Variants in TEX14 observed in about 807,000 individuals in gnomAD.
The protein encoded by TEX14 is inactive serine/threonine-protein kinase TEX14.
A neutral mutation model predicts 178.6 loss-of-function variants in TEX14; 168 were observed. The ratio of observed to expected loss-of-function variants is 0.94; its 90% confidence interval spans 0.83 to 1.07. The LOEUF is 1.07. Ranked by LOEUF, TEX14 falls within the 50% of genes least tolerant of loss-of-function variation. The pLI, the probability that TEX14 is intolerant of heterozygous loss-of-function variation, is 0.00. For missense variants in TEX14, 1,730 were observed against 1,753.6 expected, an observed-to-expected ratio of 0.99 and a Z score of 0.24; for synonymous variants, 626 against 634.1, an observed-to-expected ratio of 0.99 and a Z score of 0.19.
At position 58,594,270 on chromosome 17, in the gene TEX14, T is replaced by C. The variant is rs910745189; in HGVS notation, c.2470-609A>G. Among the ~76,000 whole-genome samples, 5 of 151,868 alleles carry C rather than the reference T, an allele frequency of 3.3e-5. No homozygotes were observed. In the East Asian group the frequency reaches 9.7e-4, roughly 29 times the overall value. ...GCATTTTCCCCCTCCTATATGAATA[T>C]GAAGACAGCAGATCTTTGTGGCAGG... On this transcript the variant is annotated intron_variant, in intron 14 of 31. Coordinates refer to ENST00000349033, the MANE Select transcript of TEX14 (RefSeq NM_031272.5).
intron 2 of TEX14, among the ~76,000 whole-genome samples, chr17:58,632,025 T>A (rs1027443558): frequency 2.0e-5 from 3 of 152,212 alleles, no homozygotes; most frequent in African/African-American, 7.2e-5. Flanking sequence ...CTTTAGGCAA[T>A]CACTGTAATT....
chr17:58,635,682 G>A lies in TEX14; in HGVS notation c.137-5128C>T, dbSNP rs140009365. Among the ~76,000 whole-genome samples, 991 of 151,306 alleles carry A rather than the reference G, an allele frequency of 6.5e-3. 6 individuals are homozygous for A. Among genetic ancestry groups the A allele is most frequent in the African/African-American group, 0.022 (928 of 41,250 alleles). Reference sequence around the variant, plus strand: ...TGACCTCAAGTGATCCACCTGCCTCGGCCTCCAAAAGTGCTGGGATTACAG... The same window carrying A: ...TGACCTCAAGTGATCCACCTGCCTCAGCCTCCAAAAGTGCTGGGATTACAG... On this transcript the variant is annotated intron_variant, in intron 2 of 31. Transcript: ENST00000349033.
chr17:58,620,697 G>A (rs1251951944), intron 5 of TEX14, among the ~76,000 whole-genome samples: 4 of 152,048 alleles, frequency 2.6e-5, no homozygotes, highest in East Asian at 3.9e-4. Context: ...GTTTCACCAT[G>A]TTGGCCAGGC....
chr17:58,602,412 C>G lies in TEX14; in HGVS notation c.1515G>C (p.Lys505Asn), dbSNP rs751996780. 12 of 1,612,448 alleles carry G rather than the reference C, an allele frequency of 7.4e-6. No individual in the cohort carries two copies. ...MNLQDIRYIL[K>N]NDLKDFTGAQ... Reference sequence around the variant, plus strand: ...CTTCAGGGCTTGCCTTTAAGTCATTCTTCAGAATATACCGGATATCTTGAA... The same window carrying G: ...CTTCAGGGCTTGCCTTTAAGTCATTGTTCAGAATATACCGGATATCTTGAA... Residue 505 changes from lysine to asparagine, a missense_variant, in exon 12 of 32, where the codon AAG becomes AAC. This residue lies in a region of TEX14 where 789 missense variants were observed against 681.2 expected (regional missense o/e 1.16). Coordinates refer to ENST00000349033, the MANE Select transcript of TEX14 (RefSeq NM_031272.5).
At chr17:58,616,760 C>G (rs748159089) in intron 6 of TEX14, among the ~76,000 whole-genome samples, 3 of 152,176 alleles carry the variant, frequency 2.0e-5, no homozygotes, top group Non-Finnish European at 4.4e-5. Flanking sequence ...TTCTAAAAAC[C>G]TTTCAAGGTT....
chr17:58,684,543 G>A (rs1324257175), intron 1 of TEX14, among the ~76,000 whole-genome samples: 1 of 151,782 alleles, frequency 6.6e-6, no homozygotes, highest in African/African-American at 2.4e-5. Context: ...GCTGAGGCAG[G>A]AGAATCACTT....
rs561445164 is a variant in TEX14, at chr17:58,670,948, G to A, written c.-1-18946C>T. Among the ~76,000 whole-genome samples the A allele has an allele frequency of 3.0e-4, 45 of 152,008 alleles. 1 individual carries two copies. The South Asian group carries it at 6.9e-3, about 23-fold the overall frequency. On this transcript the variant is annotated intron_variant, in intron 1 of 31. Coordinates refer to ENST00000349033, the MANE Select transcript of TEX14 (RefSeq NM_031272.5). ...ACAATGTATAATACTTCAAAACAAC[G>A]TGTACACAATAAATATATACAATTG... is the stretch of plus-strand genomic sequence containing the variant.
intron 1 of TEX14, among the ~76,000 whole-genome samples, chr17:58,674,753 C>A (rs1336191593): frequency 2.1e-5 from 3 of 145,394 alleles, no homozygotes; most frequent in Non-Finnish European, 4.5e-5. Flanking sequence ...TTACATATGA[C>A]ATCAAAAGCA....
intron 4 of TEX14, 52 bp downstream of exon 4, chr17:58,622,795 C>T: frequency 6.6e-7 from 1 of 1,520,336 alleles, no homozygotes; most frequent in South Asian, 1.2e-5. Context: ...GCCTGACTCT[C>T]AGCCCAGTAC....
chr17:58,650,592 C>T (rs749284176), intron 2 of TEX14, among the ~76,000 whole-genome samples: 20 of 152,076 alleles, frequency 1.3e-4, no homozygotes, highest in African/African-American at 3.4e-4. Context: ...TATAGGCATG[C>T]GCTACCATGC....
intron 19 of TEX14, among the ~76,000 whole-genome samples, 155 bp from the exon 20 acceptor site, chr17:58,579,886 A>C (rs1205133506): frequency 6.6e-6 from 1 of 152,192 alleles, no homozygotes; most frequent in Non-Finnish European, 1.5e-5. Flanking sequence ...CTAGACATTA[A>C]GTACTTATTT....
chr17:58,597,286 CTA>C (rs2045310442), intron 14 of TEX14, among the ~76,000 whole-genome samples: 1 of 152,066 alleles, frequency 6.6e-6, no homozygotes, highest in Non-Finnish European at 1.5e-5. Flanking sequence ...GTAGTCCCAG[CTA>C]CTCGGGAGGC....
chr17:58,676,260 C>T (rs1374583581), intron 1 of TEX14, among the ~76,000 whole-genome samples: 4 of 152,066 alleles, frequency 2.6e-5, no homozygotes, highest in African/African-American at 9.7e-5. Flanking sequence ...CCTGTAATCC[C>T]AGCTACTCAG....
chr17:58,611,365 G>GAA, intron 9 of TEX14, 26 bp from the exon 10 acceptor site: 43 of 1,335,164 alleles, frequency 3.2e-5, no homozygotes, highest in African/African-American at 6.1e-5. Context: ...GAAATGCCAC[G>GAA]AAAAAAAAAA....
chr17:58,633,289 C>T (rs1284018073), intron 2 of TEX14, among the ~76,000 whole-genome samples: 2 of 152,176 alleles, frequency 1.3e-5, no homozygotes, highest in Non-Finnish European at 2.9e-5. Context: ...TCTATGTGAT[C>T]ATTTGATTAA....
rs1368047208 is a variant in TEX14, at chr17:58,644,688, C to T, written c.136+7178G>A. On this transcript the variant is annotated intron_variant, in intron 2 of 31. Coordinates refer to ENST00000349033, the MANE Select transcript of TEX14 (RefSeq NM_031272.5). ...TTCTGACGGAGTTTCGCTCTTTTGC[C>T]CAGGCTAGAGTGGCAAGATCTCGGC... Among the ~76,000 whole-genome samples, 3 of 136,450 alleles carry T rather than the reference C, an allele frequency of 2.2e-5. No homozygotes were observed. In the Admixed American group the frequency reaches 2.4e-4, roughly 11 times the overall value. 89.5% of individuals were successfully genotyped at this position (136,450 alleles called of 152,430 possible). A position where few individuals can be genotyped will look rare whatever the true frequency, so the allele number is the denominator to read the frequency against.
intron 1 of TEX14, among the ~76,000 whole-genome samples, chr17:58,664,725 A>C (rs2047177678): frequency 6.6e-6 from 1 of 152,194 alleles, no homozygotes. Flanking sequence ...ATACATTTCC[A>C]TTAAAATATA....
chr17:58,625,938 C>T (rs1001951050), intron 3 of TEX14, among the ~76,000 whole-genome samples: 6 of 150,950 alleles, frequency 4.0e-5, no homozygotes, highest in Admixed American at 6.6e-5. Context: ...TTAGTAGAGA[C>T]GGGGTTTCAC....
intron 9 of TEX14, 107 bp downstream of exon 9, chr17:58,613,314 T>TA: frequency 7.3e-7 from 1 of 1,373,280 alleles, no homozygotes; most frequent in East Asian, 2.3e-5. Context: ...TAAAGATATT[T>TA]ATCTTCCATG....
Sources: allele counts gnomAD v4.1 joint callset (sites outside exome capture counted in the v4.1 genomes callset), GRCh38; gene constraint gnomAD v4.1.1; regional missense constraint gnomAD v4.1.1; transcripts MANE v1.5; gene names NCBI Gene and HGNC (gene_info 2026-07-23, HGNC 2026-07-21).